UGT1A10: variants seen among roughly 807,000 people sequenced by gnomAD.
The protein encoded by UGT1A10 is UDP-glucuronosyltransferase 1A10.
Under a neutral mutation model 45.8 loss-of-function variants are expected in UGT1A10, and 49 were observed. That is an observed-to-expected ratio of 1.07 (90% CI 0.85 to 1.36). The LOEUF is 1.36. UGT1A10 is among the 40% of genes most tolerant of loss of function. UGT1A10 has a pLI of 0.00. For missense variants in UGT1A10, 745 were observed against 668.6 expected, an observed-to-expected ratio of 1.11 and a Z score of -1.26; for synonymous variants, 284 against 249.7, an observed-to-expected ratio of 1.14 and a Z score of -1.29.
At chr2:233,718,756 G>A (rs994719163) in intron 1 of UGT1A10, 95 of 1,612,444 alleles carry the variant, frequency 5.9e-5, no homozygotes, top group East Asian at 2.9e-4. Context: ...TAATTAAGGC[G>A]AAGGAAACAA....
chr2:233,719,204 T>G, intron 1 of UGT1A10: 1 of 1,614,240 alleles, frequency 6.2e-7, no homozygotes, highest in Non-Finnish European at 8.5e-7. Flanking sequence ...ATAGGTGTTG[T>G]GTGGAGCTAC....
chr2:233,729,114 G>T (rs1215880389), intron 1 of UGT1A10: 1 of 1,612,830 alleles, frequency 6.2e-7, no homozygotes. Context: ...AGCTGTCCGT[G>T]TCTTCTGCTG....
chr2:233,700,192 T>C (rs895765902), intron 1 of UGT1A10, among the ~76,000 whole-genome samples: 1 of 152,232 alleles, frequency 6.6e-6, no homozygotes, highest in African/African-American at 2.4e-5. Context: ...AATCTCAGCC[T>C]TTGTTGGCTG....
intron 1 of UGT1A10, among the ~76,000 whole-genome samples, chr2:233,641,527 A>G (rs2073451997): frequency 6.6e-6 from 1 of 152,188 alleles, no homozygotes; most frequent in Admixed American, 6.5e-5. Flanking sequence ...TATATGTAGG[A>G]TAACAGTAGT....
chr2:233,713,060 G>A (rs2076274457), intron 1 of UGT1A10: 1 of 1,614,168 alleles, frequency 6.2e-7, no homozygotes, highest in South Asian at 1.1e-5. Flanking sequence ...TCAGTGTCCA[G>A]CCCTGGGCTG....
intron 1 of UGT1A10, among the ~76,000 whole-genome samples, chr2:233,665,162 A>G (rs1311922688): frequency 6.6e-6 from 1 of 152,204 alleles, no homozygotes; most frequent in Non-Finnish European, 1.5e-5. Context: ...TCATTTGCCA[A>G]TAAATTATAG....
At chr2:233,699,179 ACTT>A (rs765566665) in intron 1 of UGT1A10, among the ~76,000 whole-genome samples, 72 of 151,786 alleles carry the variant, frequency 4.7e-4, no homozygotes, top group African/African-American at 1.1e-3. Flanking sequence ...TCTGATCCTC[ACTT>A]CTTCTTCAGA....
chr2:233,637,086 C>T lies in UGT1A10; in HGVS notation c.564C>T (p.Ser188=), dbSNP rs767239519. 3 of 1,613,800 alleles carry T rather than the reference C, an allele frequency of 1.9e-6. No individual in the cohort carries two copies. Among genetic ancestry groups the T allele is most frequent in the African/African-American group, 1.3e-5 (1 of 74,882 alleles). Residue 188 remains serine (S), a synonymous_variant, in exon 1 of 5, where the codon TCC becomes TCT. Coordinates refer to ENST00000344644, the MANE Select transcript of UGT1A10 (RefSeq NM_019075.4). ...EEGAQCPAPL[S]YVPNDLLGFS... Reference sequence around the variant, plus strand: ...GTGCACAGTGCCCTGCTCCTCTTTCCTATGTCCCCAATGATCTCTTAGGGT... The same window carrying T: ...GTGCACAGTGCCCTGCTCCTCTTTCTTATGTCCCCAATGATCTCTTAGGGT...
At chr2:233,642,859 A>G (rs2073488463) in intron 1 of UGT1A10, among the ~76,000 whole-genome samples, 1 of 151,976 alleles carries the variant, frequency 6.6e-6, no homozygotes, top group Admixed American at 6.5e-5. Context: ...ACTTCCTCCC[A>G]AAAATACAGA....
At chr2:233,652,861 A>G (rs1250607304) in intron 1 of UGT1A10, among the ~76,000 whole-genome samples, 1 of 152,256 alleles carries the variant, frequency 6.6e-6, no homozygotes, top group Non-Finnish European at 1.5e-5. Flanking sequence ...AAAAGTTTAG[A>G]AGGAAACATT....
chr2:233,646,907 T>G (rs1012582396), intron 1 of UGT1A10, among the ~76,000 whole-genome samples: 1 of 152,198 alleles, frequency 6.6e-6, no homozygotes, highest in Admixed American at 6.5e-5. Flanking sequence ...CAATTGACTG[T>G]ATTAGTCTGT....
At position 233,769,321 on chromosome 2, in the gene UGT1A10, T is replaced by C. The variant is rs571873884; in HGVS notation, c.1295+882T>C. Among the ~76,000 whole-genome samples, 2 of 152,374 alleles carry C rather than the reference T, an allele frequency of 1.3e-5. No individual in the cohort carries two copies. The highest frequency in any genetic ancestry group is 4.1e-4 in the South Asian group (2 of 4,830). ...AGTATATTACTGTCAAGCTCACTGG[T>C]AATAGGCTTATTAGAACCTTATGGG... On this transcript the variant is annotated intron_variant, in intron 4 of 4. Coordinates refer to ENST00000344644, the MANE Select transcript of UGT1A10 (RefSeq NM_019075.4). The surrounding 1 kb of genome is among the most constrained non-coding windows in gnomAD (Gnocchi z 4.4).
At chr2:233,687,620 A>C (rs1165717277) in intron 1 of UGT1A10, among the ~76,000 whole-genome samples, 2 of 151,448 alleles carry the variant, frequency 1.3e-5, no homozygotes, top group African/African-American at 4.8e-5. Flanking sequence ...AAAGAAAAAA[A>C]GGCTGAGTGT....
intron 1 of UGT1A10, chr2:233,719,479 T>A: frequency 1.9e-6 from 3 of 1,614,024 alleles, no homozygotes; most frequent in Non-Finnish European, 2.5e-6. Flanking sequence ...CCTCTGGCCC[T>A]GTCCTACATT....
chr2:233,719,181 T>C (rs2076734729), intron 1 of UGT1A10: 4 of 1,614,240 alleles, frequency 2.5e-6, no homozygotes, highest in Non-Finnish European at 3.4e-6. Flanking sequence ...GAACAATGTA[T>C]CTTTGGCCCT....
intron 1 of UGT1A10, among the ~76,000 whole-genome samples, chr2:233,658,450 A>T (rs1347831873): frequency 6.6e-6 from 1 of 151,976 alleles, no homozygotes; most frequent in African/African-American, 2.4e-5. Flanking sequence ...GTCCTTTTTC[A>T]TTTCTAGGAT....
At chr2:233,661,387 T>C (rs1456304550) in intron 1 of UGT1A10, among the ~76,000 whole-genome samples, 3 of 152,130 alleles carry the variant, frequency 2.0e-5, no homozygotes, top group African/African-American at 7.2e-5. Flanking sequence ...TAGTTTTCAC[T>C]TGGTTAAAAA....
At chr2:233,761,893 A>G (rs1304507847) in intron 1 of UGT1A10, among the ~76,000 whole-genome samples, 1 of 152,212 alleles carries the variant, frequency 6.6e-6, no homozygotes, top group African/African-American at 2.4e-5. Context: ...CTTATCCTGC[A>G]AAGATTGGCT....
At chr2:233,719,708 C>T in intron 1 of UGT1A10, 1 of 1,613,968 alleles carries the variant, frequency 6.2e-7, no homozygotes, top group Non-Finnish European at 8.5e-7. Flanking sequence ...GTGCCTTCAT[C>T]CAATCAATGT....
Sources: allele counts gnomAD v4.1 joint callset (sites outside exome capture counted in the v4.1 genomes callset), GRCh38; gene constraint gnomAD v4.1.1; non-coding constraint Gnocchi (gnomAD v3.1); transcripts MANE v1.5; gene names NCBI Gene and HGNC (gene_info 2026-07-23, HGNC 2026-07-21).